The following KIDINS220 variants were observed in gnomAD, a reference collection of about 807,000 sequenced individuals.
KIDINS220 encodes kinase D interacting substrate 220.
KIDINS220 carries 63 observed loss-of-function variants against 157.6 expected under a neutral mutation model. The ratio of observed to expected loss-of-function variants is 0.40; its 90% CI spans 0.33 to 0.49. KIDINS220 has a LOEUF of 0.49. Among genes scored for constraint, KIDINS220 ranks in the 20% least tolerant of loss-of-function variants. KIDINS220 has a pLI of 0.66. For missense variants in KIDINS220, 1,772 were observed against 2,171.2 expected (o/e 0.82, Z 3.65); for synonymous variants, 732 against 783.6 (o/e 0.93, Z 1.10).
chr2:8,785,273 T>G lies in KIDINS220; in HGVS notation c.2229+468A>C, dbSNP rs182148661. Among the ~76,000 whole-genome samples the G allele has an allele frequency of 1.1e-3, 164 of 151,982 alleles. 1 individual carries two copies. Among genetic ancestry groups the G allele is most frequent in the African/African-American group, 2.9e-3 (121 of 41,462 alleles). ...GAGGGTGGAGGGAGGGGTGAACAGG[T>G]GTGAAGAGGTGAAGCACAGAAGATT... On this transcript the variant is annotated intron_variant, in intron 17 of 29. Coordinates refer to ENST00000256707, the MANE Select transcript of KIDINS220 (RefSeq NM_020738.4).
chr2:8,804,845 C>G (rs912366953), intron 7 of KIDINS220, among the ~76,000 whole-genome samples: 1 of 152,160 alleles, frequency 6.6e-6, no homozygotes, highest in Non-Finnish European at 1.5e-5. Context: ...GCAGCAGACA[C>G]CAGCTGGGTA....
downstream of KIDINS220, chr2:8,722,251 A>T (rs1171223689): frequency 1.3e-5 from 2 of 152,256 alleles, no homozygotes; most frequent in East Asian, 3.8e-4. Context: ...CAAAAAGAAA[A>T]TATGCATCTT....
chr2:8,789,978 A>G lies in KIDINS220; in HGVS notation c.1523T>C (p.Leu508Pro). The G allele has an allele frequency of 6.2e-7, 1 of 1,613,864 alleles. No homozygotes were observed. Among genetic ancestry groups the G allele is most frequent in the Non-Finnish European group, 8.5e-7 (1 of 1,179,874 alleles). ...AAACAATAAACCAAGCCCTCCACAA[A>G]GTAGCAGGGTAAGAAACACTATGAG... Reference protein sequence around the residue: ...SWLIVFLTLLLCGGLGLLFAF... With the variant: ...SWLIVFLTLLPCGGLGLLFAF... The change falls in exon 14 of 30, where the codon CTT (leucine) becomes CCT (proline). Residue 508 changes from leucine to proline, a missense_variant. Leu to Pro is a moderately conservative substitution (Grantham distance 98, BLOSUM62 -3). Around this residue, in one of 3 missense-constraint regions of KIDINS220, gnomAD observed 725 missense variants for 1,017.1 expected, o/e 0.71. Transcript: ENST00000256707.
intron 14 of KIDINS220, among the ~76,000 whole-genome samples, chr2:8,789,420 TG>T (rs1672878037): frequency 6.6e-6 from 1 of 150,694 alleles, no homozygotes; most frequent in Non-Finnish European, 1.5e-5. Context: ...CCCGAGTAGC[TG>T]GGACTACAGG....
At chr2:8,764,943 A>T (rs547974802) in intron 22 of KIDINS220, among the ~76,000 whole-genome samples, 1 of 152,328 alleles carries the variant, frequency 6.6e-6, no homozygotes, top group African/African-American at 2.4e-5. Flanking sequence ...GCAAATATGT[A>T]TAAGAAGGTA....
chr2:8,790,068 G>T lies in KIDINS220; in HGVS notation c.1442-9C>A. 1.9e-6 allele frequency: 3 copies of T among 1,581,812 alleles called. No individual in the cohort carries two copies. Among genetic ancestry groups the T allele is most frequent in the South Asian group, 1.2e-5 (1 of 85,258 alleles). ...GAAGGTTTTCATTTCGTCTGAAAGA[G>T]AATTTAATACGAAACCTTATTCCTG... On this transcript the variant is annotated splice_polypyrimidine_tract_variant and intron_variant, in intron 13 of 29. Transcript: ENST00000256707.
At chr2:8,827,661 T>G (rs1489571175) in intron 1 of KIDINS220, among the ~76,000 whole-genome samples, 17 of 152,172 alleles carry the variant, frequency 1.1e-4, no homozygotes, top group African/African-American at 4.1e-4. Context: ...TGCCTCCACT[T>G]TACCTGGAAG....
At chr2:8,767,133 A>AT (rs1294469018) in intron 22 of KIDINS220, among the ~76,000 whole-genome samples, 1 of 152,206 alleles carries the variant, frequency 6.6e-6, no homozygotes, top group African/African-American at 2.4e-5. Flanking sequence ...TATATGGGGA[A>AT]TTATCTTGTA....
chr2:8,787,215 C>G (rs1672533148), intron 15 of KIDINS220, among the ~76,000 whole-genome samples: 1 of 151,526 alleles, frequency 6.6e-6, no homozygotes, highest in Non-Finnish European at 1.5e-5. Flanking sequence ...CTTTTAAATC[C>G]TTTTCTTAAT....
intron 27 of KIDINS220, among the ~76,000 whole-genome samples, chr2:8,735,593 T>C (rs1664752368): frequency 6.6e-6 from 1 of 152,138 alleles, no homozygotes; most frequent in South Asian, 2.1e-4. Flanking sequence ...AATTCTAGTT[T>C]CCCCTAAATG....
At chr2:8,836,479 T>C (rs1432374589) in intron 1 of KIDINS220, among the ~76,000 whole-genome samples, 3 of 152,252 alleles carry the variant, frequency 2.0e-5, no homozygotes, top group Non-Finnish European at 2.9e-5. Context: ...CAAATACACA[T>C]ATCCCTTGAG....
At chr2:8,833,023 C>T (rs763078181) in intron 1 of KIDINS220, among the ~76,000 whole-genome samples, 2 of 152,072 alleles carry the variant, frequency 1.3e-5, no homozygotes, top group Non-Finnish European at 2.9e-5. Flanking sequence ...TCAAACTTTT[C>T]TCATTTCTTG....
At chr2:8,781,153 A>ATATATATATATATATAT (rs70946383) in intron 17 of KIDINS220, among the ~76,000 whole-genome samples, 3 of 130,410 alleles carry the variant, frequency 2.3e-5, no homozygotes, top group South Asian at 5.0e-4. Context: ...ATATATATAT[A>ATATATATATATATATAT]ATATATATAT....
chr2:8,823,894 A>G (rs1237806658), intron 2 of KIDINS220, among the ~76,000 whole-genome samples: 1 of 152,170 alleles, frequency 6.6e-6, no homozygotes, highest in African/African-American at 2.4e-5. Flanking sequence ...AATGATGTTA[A>G]CTAATGAAAA....
At chr2:8,728,746 G>T, downstream of KIDINS220, 2 of 563,294 alleles carry the variant, frequency 3.6e-6, no homozygotes, top group Non-Finnish European at 4.5e-6. Flanking sequence ...GGACTTACGA[G>T]CCACATTCTC....
intron 11 of KIDINS220, 140 bp downstream of exon 11, chr2:8,796,631 T>G: frequency 1.4e-6 from 1 of 717,536 alleles, no homozygotes; most frequent in Non-Finnish European, 2.5e-6. Flanking sequence ...CTGTGTGGGA[T>G]CCAAAGCCCA....
chr2:8,809,752 C>A (rs915163017), intron 6 of KIDINS220, among the ~76,000 whole-genome samples: 5 of 151,890 alleles, frequency 3.3e-5, no homozygotes, highest in African/African-American at 1.2e-4. Context: ...AATCAGTTCC[C>A]ATAGAAACCT....
intron 22 of KIDINS220, among the ~76,000 whole-genome samples, chr2:8,768,594 T>C (rs1432981093): frequency 6.6e-6 from 1 of 152,238 alleles, no homozygotes; most frequent in Non-Finnish European, 1.5e-5. Flanking sequence ...AAATAAATTT[T>C]ACTACTAGCG....
At chr2:8,774,477 C>T (rs1223118285) in intron 21 of KIDINS220, among the ~76,000 whole-genome samples, 1 of 151,900 alleles carries the variant, frequency 6.6e-6, no homozygotes, top group East Asian at 1.9e-4. Flanking sequence ...ACAGGTAACG[C>T]AAAGCATACC....
Sources: gnomAD v4.1 joint callset for allele counts (sites outside exome capture counted in the v4.1 genomes callset) on GRCh38, gnomAD v4.1.1 for gene constraint, gnomAD v4.1.1 regional missense constraint, MANE v1.5 for transcripts, NCBI Gene and HGNC (gene_info 2026-07-23, HGNC 2026-07-21) for gene names.